The following NCOA3 variants were observed in gnomAD, a reference collection of about 807,000 sequenced individuals.
NCOA3 encodes the protein nuclear receptor coactivator 3.
NCOA3 carries 51 observed loss-of-function variants against 158.8 expected under a neutral mutation model. The ratio of observed to expected loss-of-function variants is 0.32; its 90% CI spans 0.26 to 0.41. NCOA3 has a LOEUF of 0.41. Among genes scored for constraint, NCOA3 ranks in the 10% least tolerant of loss-of-function variants. The pLI is 1.00. For synonymous variants in NCOA3, 537 were observed against 592.4 expected (o/e 0.91, Z 1.36); for missense variants, 1,510 against 1,746.6 (o/e 0.86, Z 2.41).
chr20:47,611,753 C>G (rs2086047533), intron 2 of NCOA3, among the ~76,000 whole-genome samples: 1 of 152,112 alleles, frequency 6.6e-6, no homozygotes, highest in Non-Finnish European at 1.5e-5. Context: ...GATTGCGCCA[C>G]TGCACTCCAG....
chr20:47,637,600 G>T (rs2146324046), intron 12 of NCOA3, 48 bp from the exon 13 acceptor site: 3 of 1,480,664 alleles, frequency 2.0e-6, no homozygotes, highest in East Asian at 4.7e-5. Flanking sequence ...GTTTATACCT[G>T]TGTGTCTGGT....
chr20:47,600,162 A>T (rs1013878045), intron 2 of NCOA3, among the ~76,000 whole-genome samples: 1 of 141,214 alleles, frequency 7.1e-6, no homozygotes, highest in Non-Finnish European at 1.5e-5. Context: ...TATATTTTAT[A>T]TATATATATT....
At chr20:47,585,046 C>CTTTT (rs11473989) in intron 2 of NCOA3, among the ~76,000 whole-genome samples, 2,156 of 91,254 alleles carry the variant, frequency 0.024, 193 homozygotes, top group African/African-American at 0.033. Context: ...CCTTTCTTAA[C>CTTTT]TTTTTTTTTT....
intron 1 of NCOA3, among the ~76,000 whole-genome samples, chr20:47,547,584 TTG>T (rs1474920260): frequency 5.3e-5 from 8 of 151,672 alleles, no homozygotes; most frequent in Non-Finnish European, 8.8e-5. Context: ...GACTAATTTT[TTG>T]TGTGTGTGTT....
chr20:47,522,136 G>A (rs1426529574), intron 1 of NCOA3, among the ~76,000 whole-genome samples: 2 of 96,428 alleles, frequency 2.1e-5, no homozygotes, highest in Non-Finnish European at 4.0e-5. Flanking sequence ...ACGGAGTCTT[G>A]CTGTCTCCTA....
chr20:47,547,670 G>A (rs577233145), intron 1 of NCOA3, among the ~76,000 whole-genome samples: 16 of 151,650 alleles, frequency 1.1e-4, no homozygotes, highest in South Asian at 2.1e-4. Flanking sequence ...CACCCGCCTC[G>A]GCCTCCCAAA....
chr20:47,611,086 ATGT>A (rs1450231075), intron 2 of NCOA3, among the ~76,000 whole-genome samples: 4 of 152,242 alleles, frequency 2.6e-5, no homozygotes, highest in Middle Eastern at 3.4e-3. Flanking sequence ...CAGGTGGCTA[ATGT>A]TGTCATCTCT....
rs1242869620 is a variant in NCOA3, at chr20:47,656,126, T to C, written c.*2709T>C. ...AATGTGGGATATTTCCAGTACCTAC[T>C]TTTTTTTTTTTTTTTTGCTGAATCC... On this transcript the variant is annotated 3_prime_UTR_variant, in exon 23 of 23. Transcript: ENST00000371998. The C allele has an allele frequency of 1.3e-5, 1 of 78,466 alleles. No homozygotes were observed. Among genetic ancestry groups the C allele is most frequent in the African/African-American group, 5.7e-5 (1 of 17,588 alleles). 4.9% of individuals were successfully genotyped at this position (78,466 alleles called of 1,614,324 possible).
At position 47,511,550 on chromosome 20, in the gene NCOA3, T is replaced by TACATAC. The variant is rs1556556370; in HGVS notation, c.-99+9532_-99+9533insCATACA. 3.6e-4 allele frequency among the ~76,000 whole-genome samples: 19 copies of TACATAC among 52,270 alleles called. 3 individuals carry two copies. The highest frequency in any genetic ancestry group is 6.8e-4 in the Non-Finnish European group (17 of 25,114). 34.3% of individuals were successfully genotyped at this position (52,270 alleles called of 152,430 possible). Reference sequence around the variant, plus strand: ...ATATATATATATATATATATATATATATATATTTCTTTTTTTTTTTGAGAC... The same window carrying TACATAC: ...ATATATATATATATATATATATATATACATACATATATTTCTTTTTTTTTTTGAGAC... On this transcript the variant is annotated intron_variant, in intron 1 of 22. Transcript: ENST00000371998.
intron 1 of NCOA3, among the ~76,000 whole-genome samples, chr20:47,531,174 A>G (rs2084538578): frequency 6.6e-6 from 1 of 152,132 alleles, no homozygotes; most frequent in Non-Finnish European, 1.5e-5. Flanking sequence ...CCCTGTCTCT[A>G]CTAAAAATAC....
chr20:47,590,206 G>A (rs2085606776), intron 2 of NCOA3, among the ~76,000 whole-genome samples: 2 of 152,136 alleles, frequency 1.3e-5, no homozygotes, highest in Non-Finnish European at 1.5e-5. Context: ...AATAGTATAT[G>A]ACCTAGATTG....
At chr20:47,551,526 A>G (rs2084926643) in intron 1 of NCOA3, among the ~76,000 whole-genome samples, 1 of 152,334 alleles carries the variant, frequency 6.6e-6, no homozygotes, top group East Asian at 1.9e-4. Flanking sequence ...AGAATTACAA[A>G]TGCATATTTT....
At chr20:47,577,425 T>TG (rs965635010) in intron 1 of NCOA3, among the ~76,000 whole-genome samples, 2 of 152,238 alleles carry the variant, frequency 1.3e-5, no homozygotes, top group African/African-American at 4.8e-5. Flanking sequence ...TAAATAGTGT[T>TG]GAACAGTTAA....
At chr20:47,537,983 G>A (rs1015055794) in intron 1 of NCOA3, among the ~76,000 whole-genome samples, 1 of 152,034 alleles carries the variant, frequency 6.6e-6, no homozygotes, top group African/African-American at 2.4e-5. Flanking sequence ...GGGTTCAAGT[G>A]ATTCTCCTGT....
chr20:47,639,855 A>C (rs747802392), intron 15 of NCOA3, 33 bp downstream of exon 15: 1 of 1,612,344 alleles, frequency 6.2e-7, no homozygotes, highest in South Asian at 1.1e-5. Flanking sequence ...TCATGAAAAA[A>C]GAAAGTTAGA....
chr20:47,576,514 C>T (rs1380543331), intron 1 of NCOA3, among the ~76,000 whole-genome samples: 3 of 152,088 alleles, frequency 2.0e-5, no homozygotes, highest in Non-Finnish European at 4.4e-5. Context: ...GATAATTACT[C>T]GATCATTTCT....
chr20:47,615,939 C>G (rs2086124548), intron 2 of NCOA3, among the ~76,000 whole-genome samples: 2 of 152,162 alleles, frequency 1.3e-5, no homozygotes, highest in South Asian at 2.1e-4. Flanking sequence ...GGGTGGATCA[C>G]TTGAGGTCAG....
chr20:47,540,050 G>T (rs1487380791), intron 1 of NCOA3, among the ~76,000 whole-genome samples: 1 of 152,094 alleles, frequency 6.6e-6, no homozygotes, highest in East Asian at 1.9e-4. Flanking sequence ...AAGCTCATGG[G>T]TTAATTACAT....
intron 1 of NCOA3, among the ~76,000 whole-genome samples, chr20:47,522,055 T>C (rs1293975077): frequency 1.4e-5 from 2 of 146,882 alleles, no homozygotes; most frequent in African/African-American, 5.5e-5. Flanking sequence ...TTAGGTCTTA[T>C]TTAGTTTCCG....
Sources: allele counts gnomAD v4.1 joint callset (sites outside exome capture counted in the v4.1 genomes callset), GRCh38; gene constraint gnomAD v4.1.1; transcripts MANE v1.5; gene names NCBI Gene and HGNC (gene_info 2026-07-23, HGNC 2026-07-21).